Variants in ITFG2 observed in about 807,000 individuals in gnomAD.
ITFG2 encodes KICSTOR complex protein ITFG2.
In ITFG2, 36 loss-of-function variants were observed where a neutral mutation model predicts 54.4. That is an observed-to-expected ratio of 0.66 (90% CI 0.51 to 0.87). The LOEUF is 0.87. ITFG2 is among the 40% of genes least tolerant of loss of function. The pLI, the probability that ITFG2 is intolerant of heterozygous loss-of-function variation, is 0.00. For synonymous variants in ITFG2, 211 were observed against 225.4 expected, an observed-to-expected ratio of 0.94 and a Z score of 0.57; for missense variants, 524 against 576.7, an observed-to-expected ratio of 0.91 and a Z score of 0.94.
upstream of ITFG2, among the ~76,000 whole-genome samples, chr12:2,834,458 C>T (rs2098018202): frequency 6.6e-6 from 1 of 152,184 alleles, no homozygotes; most frequent in South Asian, 2.1e-4. Context: ...CTCAGAGCCA[C>T]CAAACCATGG....
chr12:2,849,411 G>A, intron 2 of ITFG2: 1 of 1,536,212 alleles, frequency 6.5e-7, no homozygotes, highest in East Asian at 2.4e-5. Context: ...TCTCCTGGTA[G>A]TGAGGCAGAG....
chr12:2,826,821 A>T, downstream of ITFG2: 1 of 272,832 alleles, frequency 3.7e-6, no homozygotes. Context: ...GTGGTGTGGG[A>T]AGTTGAGTTG....
downstream of ITFG2, chr12:2,827,243 T>G (rs1603483710): frequency 6.2e-7 from 1 of 1,614,054 alleles, no homozygotes; most frequent in Non-Finnish European, 8.5e-7. This position sits in a 1 kb window ranked among gnomAD's most constrained non-coding sequence, Gnocchi z 4.0. Context: ...GCAGGAAGGG[T>G]AGCTCTGAGA....
intron 2 of ITFG2, among the ~76,000 whole-genome samples, chr12:2,847,868 C>T (rs1232021332): frequency 1.3e-5 from 2 of 152,222 alleles, no homozygotes; most frequent in Non-Finnish European, 2.9e-5. Flanking sequence ...TTCATCCACA[C>T]TGTAGCATCT....
chr12:2,842,727 G>A (rs112936498), intron 2 of ITFG2, among the ~76,000 whole-genome samples: 4,742 of 152,172 alleles, frequency 0.031, 233 homozygotes, highest in African/African-American at 0.11. Context: ...GTGAGACCCT[G>A]TCTCAAAACA....
rs1253103887 is a variant in ITFG2, at chr12:2,818,406, A to G, written c.406+129A>G. The G allele has an allele frequency of 5.3e-6, 8 of 1,511,674 alleles. No homozygotes were observed. In the Admixed American group the frequency reaches 5.9e-5, roughly 11 times the overall value. 93.6% of individuals were successfully genotyped at this position (1,511,674 alleles called of 1,614,324 possible). On this transcript the variant is annotated intron_variant, in intron 4 of 11. Coordinates refer to ENST00000228799, the MANE Select transcript of ITFG2 (RefSeq NM_018463.4). ...TGCATTTGTTATGTGCTGAGCTCCC[A>G]TGATAAGCCAGGCATCACTCAAGGC... is the stretch of plus-strand genomic sequence containing the variant.
chr12:2,848,990 G>T (rs1047487283), intron 2 of ITFG2: 8 of 496,542 alleles, frequency 1.6e-5, no homozygotes, highest in Middle Eastern at 5.5e-4. Context: ...CCTCCTGGCC[G>T]CAGTCCTCCC....
chr12:2,854,265 TC>T (rs1200353088), intron 2 of ITFG2, among the ~76,000 whole-genome samples: 1 of 152,204 alleles, frequency 6.6e-6, no homozygotes, highest in Non-Finnish European at 1.5e-5. Context: ...CCTCAGGTGA[TC>T]CGGCCGCCTC....
intron 2 of ITFG2, chr12:2,857,149 C>A: frequency 1.4e-6 from 1 of 695,596 alleles, no homozygotes; most frequent in Admixed American, 2.0e-5. Context: ...GAGGCCCTCA[C>A]CTGTCCCTGG....
chr12:2,822,921 G>T lies in ITFG2; in HGVS notation c.1066+10G>T, dbSNP rs372852070. ...CGTGCCTTCTGTGCAGGTGACCCCC[G>T]CCCCCATGGCCCCTTTCTAACCACA... On this transcript the variant is annotated intron_variant, in intron 10 of 11. Transcript: ENST00000228799. 2 of 1,595,402 alleles carry T rather than the reference G, an allele frequency of 1.3e-6. No homozygotes were observed. The highest frequency in any genetic ancestry group is 1.7e-6 in the Non-Finnish European group (2 of 1,163,048).
At chr12:2,832,872 T>A (rs2098010539), upstream of ITFG2, among the ~76,000 whole-genome samples, 1 of 151,498 alleles carries the variant, frequency 6.6e-6, no homozygotes, top group African/African-American at 2.4e-5. Context: ...AATGAGGCCC[T>A]TGGGGTTGCT....
chr12:2,858,583 G>A, intron 3 of ITFG2: 1 of 1,511,866 alleles, frequency 6.6e-7, no homozygotes, highest in Non-Finnish European at 9.0e-7. Context: ...GGTGCACTGA[G>A]CCTTGGAGTG....
intron 2 of ITFG2, among the ~76,000 whole-genome samples, chr12:2,856,779 T>G (rs1355432673): frequency 6.6e-6 from 1 of 152,172 alleles, no homozygotes; most frequent in African/African-American, 2.4e-5. Flanking sequence ...GCCAGGCATC[T>G]CCTCTCTGTT....
At chr12:2,850,279 G>A (rs899072217) in intron 2 of ITFG2, among the ~76,000 whole-genome samples, 3 of 152,074 alleles carry the variant, frequency 2.0e-5, no homozygotes, top group African/African-American at 7.2e-5. Context: ...TTCGAGACCA[G>A]CCTGGCCGAC....
intron 3 of ITFG2, chr12:2,859,405 G>C: frequency 6.2e-7 from 1 of 1,614,066 alleles, no homozygotes; most frequent in Non-Finnish European, 8.5e-7. Context: ...CTTGGGGTGG[G>C]AGATTGGGAC....
chr12:2,830,733 ATC>A (rs771946260), intron 2 of ITFG2: 55 of 1,612,948 alleles, frequency 3.4e-5, no homozygotes, highest in South Asian at 5.5e-5. Flanking sequence ...AAGAGCTGGA[ATC>A]TCTGTCCTGC....
At chr12:2,854,771 GTT>G in intron 2 of ITFG2, 1 of 998,208 alleles carries the variant, frequency 1.0e-6, no homozygotes, top group East Asian at 2.6e-5. Flanking sequence ...TCAGAAAAGA[GTT>G]TGGTTTTCAG....
upstream of ITFG2, among the ~76,000 whole-genome samples, chr12:2,836,089 A>G (rs897479264): frequency 2.0e-5 from 3 of 152,218 alleles, no homozygotes; most frequent in African/African-American, 4.8e-5. Flanking sequence ...TTTTGCACAC[A>G]TCTCCTGGGG....
chr12:2,830,714 G>A lies in ITFG2; in HGVS notation c.*60-120G>A, dbSNP rs371538864. ...TCCCTGGGAGGCCTCTCACCTTGCA[G>A]TTGACCAGAAGAGCTGGAATCTCTG... is the stretch of plus-strand genomic sequence containing the variant. On this transcript the variant is annotated intron_variant and NMD_transcript_variant, in intron 2 of 2. Coordinates refer to the ITFG2 transcript ENST00000538822. The A allele has an allele frequency of 2.6e-5, 42 of 1,611,138 alleles. No individual in the cohort carries two copies. In the African/African-American group the frequency reaches 2.8e-4, roughly 11 times the overall value.
Sources: allele counts gnomAD v4.1 joint callset (sites outside exome capture counted in the v4.1 genomes callset), GRCh38; gene constraint gnomAD v4.1.1; non-coding constraint Gnocchi (gnomAD v3.1); transcripts MANE v1.5; gene names NCBI Gene and HGNC (gene_info 2026-07-23, HGNC 2026-07-21).